Variants in GRID1 observed in about 807,000 individuals in gnomAD.
GRID1 encodes glutamate receptor ionotropic, delta-1.
GRID1 carries 28 observed loss-of-function variants against 98.0 expected under a neutral mutation model. The observed-to-expected ratio is 0.29, with a 90% CI of 0.21 to 0.39. GRID1 has a LOEUF of 0.39. Among genes scored for constraint, GRID1 ranks in the 10% least tolerant of loss-of-function variants. The probability of loss-of-function intolerance (pLI) is 1.00; values close to 1 mark genes in which losing one functional copy is unlikely to be tolerated. For synonymous variants in GRID1, 553 were observed against 538.5 expected (o/e 1.03, Z -0.37); for missense variants, 1,111 against 1,340.5 (o/e 0.83, Z 2.67).
intron 4 of GRID1, among the ~76,000 whole-genome samples, chr10:85,961,571 C>G (rs1248328633): frequency 6.6e-6 from 1 of 151,376 alleles, no homozygotes; most frequent in Non-Finnish European, 1.5e-5. Flanking sequence ...TTCCTTCTTT[C>G]CTTCCTTCCT....
chr10:85,852,837 T>C (rs533768766), intron 8 of GRID1, among the ~76,000 whole-genome samples: 1 of 152,272 alleles, frequency 6.6e-6, no homozygotes, highest in East Asian at 1.9e-4. Context: ...CCTGGCTTCC[T>C]GGACATTGCA....
chr10:86,172,374 T>G (rs549009044), intron 3 of GRID1, among the ~76,000 whole-genome samples: 172 of 152,348 alleles, frequency 1.1e-3, no homozygotes, highest in African/African-American at 3.8e-3. Flanking sequence ...ATTGTGTGAG[T>G]ATACATCAGG....
chr10:85,823,402 T>A (rs1241560670), intron 8 of GRID1, among the ~76,000 whole-genome samples: 1 of 151,932 alleles, frequency 6.6e-6, no homozygotes, highest in African/African-American at 2.4e-5. Context: ...ATTTGAGAAA[T>A]AATTAGAATC....
intron 4 of GRID1, among the ~76,000 whole-genome samples, chr10:86,041,552 T>C (rs1297828502): frequency 6.6e-6 from 1 of 152,148 alleles, no homozygotes; most frequent in African/African-American, 2.4e-5. Context: ...GGGATGCACC[T>C]GGAGCAGCCT....
chr10:85,962,853 C>T (rs574153478), intron 4 of GRID1, among the ~76,000 whole-genome samples: 47 of 152,232 alleles, frequency 3.1e-4, no homozygotes, highest in African/African-American at 1.0e-3. Context: ...TTGTTAATCC[C>T]GACTCTGGGA....
At chr10:85,727,719 C>A in intron 10 of GRID1, 136 bp downstream of exon 10, 1 of 653,652 alleles carries the variant, frequency 1.5e-6, no homozygotes, top group South Asian at 1.8e-5. Flanking sequence ...ACAAAAGAGC[C>A]TTTGTGTGGG....
At chr10:86,112,672 T>C (rs1440344705) in intron 4 of GRID1, among the ~76,000 whole-genome samples, 2 of 152,220 alleles carry the variant, frequency 1.3e-5, no homozygotes, top group Non-Finnish European at 2.9e-5. Context: ...CACCTCCTCC[T>C]CGGCTCCTAA....
At chr10:85,852,882 A>G (rs959926607) in intron 8 of GRID1, among the ~76,000 whole-genome samples, 2 of 152,136 alleles carry the variant, frequency 1.3e-5, no homozygotes, top group African/African-American at 4.8e-5. Flanking sequence ...AAGTCACAGA[A>G]TAGTTGCTAG....
At chr10:86,262,962 G>C (rs1212358608) in intron 2 of GRID1, among the ~76,000 whole-genome samples, 1 of 149,750 alleles carries the variant, frequency 6.7e-6, no homozygotes, top group East Asian at 2.0e-4. Flanking sequence ...CATAGGCTGC[G>C]TTTGTGGGAA....
At chr10:86,100,192 A>C (rs1017322829) in intron 4 of GRID1, among the ~76,000 whole-genome samples, 5 of 152,226 alleles carry the variant, frequency 3.3e-5, no homozygotes, top group Non-Finnish European at 4.4e-5. Flanking sequence ...CTTATTGTGC[A>C]AAGTATTGTA....
chr10:86,090,348 G>A (rs1844127744), intron 4 of GRID1, among the ~76,000 whole-genome samples: 1 of 151,976 alleles, frequency 6.6e-6, no homozygotes, highest in Admixed American at 6.6e-5. Flanking sequence ...GGGAGGCAGA[G>A]GTTGCCGTGA....
At chr10:85,908,960 GT>G (rs1244390092) in intron 5 of GRID1, among the ~76,000 whole-genome samples, 3 of 152,160 alleles carry the variant, frequency 2.0e-5, no homozygotes, top group African/African-American at 7.2e-5. Flanking sequence ...TAAAATGTCT[GT>G]TCTTCAAAAG....
intron 4 of GRID1, among the ~76,000 whole-genome samples, chr10:86,041,445 A>G (rs555229134): frequency 1.3e-5 from 2 of 152,212 alleles, no homozygotes; most frequent in Non-Finnish European, 2.9e-5. Context: ...GACCTTATTT[A>G]GAAACCTCCC....
intron 11 of GRID1, among the ~76,000 whole-genome samples, chr10:85,723,564 C>A (rs1409926766): frequency 6.6e-6 from 1 of 152,158 alleles, no homozygotes; most frequent in African/African-American, 2.4e-5. Flanking sequence ...ATAACTCCTA[C>A]TACATGGAGG....
At chr10:85,969,325 G>A (rs190485311) in intron 4 of GRID1, among the ~76,000 whole-genome samples, 3 of 152,218 alleles carry the variant, frequency 2.0e-5, no homozygotes, top group Admixed American at 6.5e-5. Context: ...CTTGAAAAAT[G>A]CTATAAACCA....
chr10:85,674,787 C>A (rs1285471969), intron 12 of GRID1, among the ~76,000 whole-genome samples: 1 of 151,760 alleles, frequency 6.6e-6, no homozygotes, highest in Non-Finnish European at 1.5e-5. Context: ...ACTGACATGC[C>A]CAGTGTATGC....
chr10:86,351,529 G>A (rs1489024641), intron 2 of GRID1, among the ~76,000 whole-genome samples: 4 of 152,148 alleles, frequency 2.6e-5, no homozygotes, highest in African/African-American at 4.8e-5. Flanking sequence ...CATGAGATTC[G>A]CAGAGCTCTG....
intron 4 of GRID1, among the ~76,000 whole-genome samples, chr10:86,103,723 G>T (rs184404570): frequency 6.6e-6 from 1 of 152,214 alleles, no homozygotes; most frequent in African/African-American, 2.4e-5. Context: ...CCTTAGGAAA[G>T]GTGTGTGCCT....
intron 3 of GRID1, among the ~76,000 whole-genome samples, chr10:86,180,111 G>A (rs1040454562): frequency 6.6e-6 from 1 of 152,206 alleles, no homozygotes; most frequent in Non-Finnish European, 1.5e-5. Context: ...ACAAAGGGAG[G>A]CCAGCCCAGT....
Sources: allele counts gnomAD v4.1 joint callset (sites outside exome capture counted in the v4.1 genomes callset), GRCh38; gene constraint gnomAD v4.1.1; transcripts MANE v1.5; gene names NCBI Gene and HGNC (gene_info 2026-07-23, HGNC 2026-07-21).